BTD: variants seen among roughly 807,000 people sequenced by gnomAD.
BTD encodes the protein biocytinase.
Under a neutral mutation model 17.7 loss-of-function variants are expected in BTD, and 13 were observed. The observed-to-expected ratio is 0.74, with a 90% CI of 0.48 to 1.17. BTD has a LOEUF of 1.17. BTD is among the 50% of genes most tolerant of loss of function. BTD has a pLI of 0.00. For synonymous variants in BTD, 240 were observed against 245.2 expected (o/e 0.98, Z 0.20); for missense variants, 674 against 650.4 (o/e 1.04, Z -0.39).
At chr3:15,601,439 G>A (rs968795448), upstream of BTD, 1 of 1,613,672 alleles carries the variant, frequency 6.2e-7, no homozygotes, top group Admixed American at 1.7e-5. Context: ...TCCTCGCTGC[G>A]CTCTGCGAAG....
At chr3:15,674,933 G>T (rs190475513) in intron 3 of BTD, among the ~76,000 whole-genome samples, 139 of 152,200 alleles carry the variant, frequency 9.1e-4, no homozygotes, top group African/African-American at 3.2e-3. Flanking sequence ...CTATGTGTAG[G>T]GGTGAGGGGG....
At chr3:15,665,485 A>G (rs1287855847) in intron 3 of BTD, among the ~76,000 whole-genome samples, 1 of 152,178 alleles carries the variant, frequency 6.6e-6, no homozygotes, top group Non-Finnish European at 1.5e-5. Flanking sequence ...CTCAAAATAC[A>G]TGTTTGTTGC....
intron 3 of BTD, chr3:15,708,191 T>C (rs1190107878): frequency 1.1e-5 from 12 of 1,063,328 alleles, no homozygotes; most frequent in African/African-American, 1.6e-5. Context: ...GACTACCATA[T>C]ACTAAGTCTT....
chr3:15,678,917 T>C (rs1172303413), intron 3 of BTD, among the ~76,000 whole-genome samples: 2 of 152,222 alleles, frequency 1.3e-5, no homozygotes, highest in Non-Finnish European at 2.9e-5. Flanking sequence ...ATGGGTTTTC[T>C]GTAAATTCTC....
chr3:15,601,718 A>T (rs2064248380), upstream of BTD: 8 of 1,567,216 alleles, frequency 5.1e-6, no homozygotes, highest in South Asian at 2.3e-5. Flanking sequence ...TTCGCGCGCC[A>T]GAATGCCAGA....
rs2065319089 is a variant in BTD at position 15,635,426 on chromosome 3, T to C, written c.-14T>C. On this transcript the variant is annotated splice_region_variant and 5_prime_UTR_variant, in exon 2 of 4. Coordinates refer to ENST00000643237, the MANE Select transcript of BTD (RefSeq NM_001370658.1). The surrounding 1 kb of genome is among the most constrained non-coding windows in gnomAD (Gnocchi z 4.1). ...CCCCTTGCCCCATTACATTCCAGAT[T>C]TGTGGTCTGCATTATGTCTGGAGCC... The C allele has an allele frequency of 1.2e-6, 2 of 1,614,118 alleles. No individual in the cohort carries two copies. The highest frequency in any genetic ancestry group is 2.2e-5 in the South Asian group (2 of 91,084).
At chr3:15,690,097 C>T in intron 3 of BTD, 2 of 1,612,280 alleles carry the variant, frequency 1.2e-6, no homozygotes, top group Non-Finnish European at 8.5e-7. Flanking sequence ...AGTACATCCA[C>T]ACATTCAACA....
At chr3:15,695,704 G>A (rs988576435) in intron 3 of BTD, among the ~76,000 whole-genome samples, 10 of 152,056 alleles carry the variant, frequency 6.6e-5, no homozygotes, top group African/African-American at 2.4e-4. Context: ...AAATAAAAAC[G>A]TCCTCTGCAG....
rs905884941 is a variant in BTD at position 15,645,601 on chromosome 3, C to T, written c.*113C>T. The T allele has an allele frequency of 8.0e-7, 1 of 1,244,330 alleles. No individual in the cohort carries two copies. The highest frequency in any genetic ancestry group is 1.1e-6 in the Non-Finnish European group (1 of 894,698). The allele number at this position is 1,244,330 out of a possible 1,614,324, so 77.1% of individuals were successfully genotyped here. On this transcript the variant is annotated 3_prime_UTR_variant, in exon 4 of 4. Coordinates refer to ENST00000643237, the MANE Select transcript of BTD (RefSeq NM_001370658.1). ...CTGCCTTAAGGGCAGGAGCCCACTT[C>T]TGTGGCACCAGATTCCACCCTGGGA...
downstream of BTD, among the ~76,000 whole-genome samples, chr3:15,655,438 G>C (rs2065862098): frequency 6.6e-6 from 1 of 152,210 alleles, no homozygotes. Context: ...AATTGTTTCA[G>C]ATCTTTCCTT....
chr3:15,675,658 C>A (rs1024138966), intron 3 of BTD, among the ~76,000 whole-genome samples: 9 of 152,096 alleles, frequency 5.9e-5, no homozygotes, highest in African/African-American at 2.2e-4. Flanking sequence ...CAGAAAGTGG[C>A]AAGTATAAAC....
intron 1 of BTD, chr3:15,602,330 T>C: frequency 9.5e-7 from 1 of 1,057,556 alleles, no homozygotes; most frequent in East Asian, 7.0e-5. Flanking sequence ...AGCACTGTTT[T>C]CTCCAGCCCT....
chr3:15,714,019 CCTA>C (rs918259210), downstream of BTD, among the ~76,000 whole-genome samples: 102 of 150,550 alleles, frequency 6.8e-4, no homozygotes, highest in African/African-American at 2.5e-3. Context: ...GGATCATGAA[CCTA>C]TTTCAACTTT....
chr3:15,717,389 C>G (rs2073190951), downstream of BTD, among the ~76,000 whole-genome samples: 1 of 152,076 alleles, frequency 6.6e-6, no homozygotes, highest in African/African-American at 2.4e-5. Flanking sequence ...ATTCAGATTA[C>G]TAACTAAAAA....
At chr3:15,607,470 T>C (rs1444632402) in intron 1 of BTD, among the ~76,000 whole-genome samples, 1 of 152,248 alleles carries the variant, frequency 6.6e-6, no homozygotes, top group East Asian at 1.9e-4. Context: ...ATATAGTGCC[T>C]GGAGACAATT....
intron 3 of BTD, among the ~76,000 whole-genome samples, chr3:15,673,694 CAG>C (rs2066610488): frequency 6.6e-6 from 1 of 152,050 alleles, no homozygotes; most frequent in Non-Finnish European, 1.5e-5. Context: ...AGATTTGAAA[CAG>C]GTGACGAATT....
chr3:15,615,764 T>G (rs2064773370), intron 1 of BTD, among the ~76,000 whole-genome samples: 2 of 152,210 alleles, frequency 1.3e-5, no homozygotes, highest in African/African-American at 4.8e-5. Flanking sequence ...TGACACATTA[T>G]TATAACATGA....
chr3:15,677,025 T>G (rs755489229), intron 3 of BTD: 5 of 1,613,466 alleles, frequency 3.1e-6, no homozygotes, highest in Non-Finnish European at 4.2e-6. Flanking sequence ...TGTTATCTTT[T>G]CCAGTATTAA....
rs750510224 is a variant in BTD at position 15,697,565 on chromosome 3, G to A, written c.400-12495G>A. Among the ~76,000 whole-genome samples, 54 of 151,976 alleles carry A rather than the reference G, an allele frequency of 3.6e-4. 5 individuals carry two copies. Among genetic ancestry groups the A allele is most frequent in the Admixed American group, 9.8e-4 (15 of 15,258 alleles). On this transcript the variant is annotated intron_variant, in intron 3 of 3. Transcript: ENST00000672141. ...TGATGGATTACGTGTATTGATTTGC[G>A]TACGTTGAACCAGCCTTGCATCCCA... is the stretch of plus-strand genomic sequence containing the variant.
Sources: gnomAD v4.1 joint callset for allele counts (sites outside exome capture counted in the v4.1 genomes callset) on GRCh38, gnomAD v4.1.1 for gene constraint, Gnocchi (gnomAD v3.1) non-coding constraint, MANE v1.5 for transcripts, NCBI Gene and HGNC (gene_info 2026-07-23, HGNC 2026-07-21) for gene names.